RASGRF2: variants seen among roughly 807,000 people sequenced by gnomAD.
RASGRF2 encodes ras-specific guanine nucleotide-releasing factor 2.
RASGRF2 carries 76 observed loss-of-function variants against 151.0 expected under a neutral mutation model. The observed-to-expected ratio is 0.50, with a 90% CI of 0.42 to 0.61. RASGRF2 has a LOEUF of 0.61. Among genes scored for constraint, RASGRF2 ranks in the 20% least tolerant of loss-of-function variants. The pLI, the probability that RASGRF2 is intolerant of heterozygous loss-of-function variation, is 0.00. For synonymous variants in RASGRF2, 504 were observed against 566.5 expected (o/e 0.89, Z 1.57); for missense variants, 1,148 against 1,564.6 (o/e 0.73, Z 4.49).
intron 3 of RASGRF2, 113 bp from the exon 4 acceptor site, chr5:81,070,379 G>A: frequency 1.3e-6 from 1 of 791,796 alleles, no homozygotes. Flanking sequence ...TGCATAAAAA[G>A]TGGGTGTTTC....
At chr5:81,171,018 C>T (rs1042295550) in intron 17 of RASGRF2, among the ~76,000 whole-genome samples, 5 of 152,044 alleles carry the variant, frequency 3.3e-5, no homozygotes, top group African/African-American at 1.2e-4. Context: ...ACATTAAAAC[C>T]TTTTTGTATA....
chr5:81,207,673 C>G (rs1461721591), intron 21 of RASGRF2, among the ~76,000 whole-genome samples: 2 of 152,250 alleles, frequency 1.3e-5, no homozygotes, highest in Non-Finnish European at 2.9e-5. Context: ...CTTGCTGTGT[C>G]TGGTGACCTG....
At chr5:81,053,811 C>T (rs373978266) in intron 2 of RASGRF2, among the ~76,000 whole-genome samples, 4,034 of 151,716 alleles carry the variant, frequency 0.027, 179 homozygotes, top group African/African-American at 0.09. Flanking sequence ...TTTTAATGAT[C>T]ACCATTCTAA....
intron 16 of RASGRF2, among the ~76,000 whole-genome samples, chr5:81,125,510 C>G (rs1048996563): frequency 6.6e-5 from 10 of 152,180 alleles, no homozygotes; most frequent in African/African-American, 1.9e-4. Context: ...CCAGATCTCT[C>G]TATTCTTCTT....
At chr5:81,160,524 TAGCC>T (rs1027553063) in intron 17 of RASGRF2, among the ~76,000 whole-genome samples, 6 of 151,542 alleles carry the variant, frequency 4.0e-5, no homozygotes, top group African/African-American at 9.7e-5. Context: ...ACAAAAAAAT[TAGCC>T]AGGCGTGGTG....
At chr5:81,022,724 C>T (rs1157625100) in intron 1 of RASGRF2, among the ~76,000 whole-genome samples, 1 of 152,186 alleles carries the variant, frequency 6.6e-6, no homozygotes, top group Non-Finnish European at 1.5e-5. Context: ...ATGCCGTCCT[C>T]CTCCCTGGGA....
At chr5:81,225,513 C>CTT (rs11341888) in intron 26 of RASGRF2, among the ~76,000 whole-genome samples, 165 bp from the exon 27 acceptor site, 2 of 141,428 alleles carry the variant, frequency 1.4e-5, no homozygotes. Flanking sequence ...AGATGTTCAC[C>CTT]TTTTTTTTTT....
chr5:80,994,006 C>A (rs1748738247), intron 1 of RASGRF2, among the ~76,000 whole-genome samples: 1 of 151,988 alleles, frequency 6.6e-6, no homozygotes, highest in Non-Finnish European at 1.5e-5. Context: ...TGCTTTGAGT[C>A]TTTCCTCAAG....
chr5:81,218,502 G>A (rs899870240), intron 25 of RASGRF2, among the ~76,000 whole-genome samples: 1 of 152,076 alleles, frequency 6.6e-6, no homozygotes, highest in Admixed American at 6.5e-5. Flanking sequence ...AAGATTAGTT[G>A]GCTGTAAGTA....
At chr5:81,115,586 G>A (rs116425078) in intron 15 of RASGRF2, among the ~76,000 whole-genome samples, 3 of 152,076 alleles carry the variant, frequency 2.0e-5, no homozygotes, top group South Asian at 2.1e-4. Flanking sequence ...GAGATAAGTC[G>A]GGATTCTCTC....
At chr5:81,082,184 G>A (rs373974279) in intron 7 of RASGRF2, among the ~76,000 whole-genome samples, 10 of 152,166 alleles carry the variant, frequency 6.6e-5, no homozygotes, top group Admixed American at 1.3e-4. Flanking sequence ...ACAGCCCCCT[G>A]ATGTCTTTCT....
chr5:81,025,238 A>G (rs1305195808), intron 1 of RASGRF2, among the ~76,000 whole-genome samples: 1 of 152,172 alleles, frequency 6.6e-6, no homozygotes, highest in African/African-American at 2.4e-5. Context: ...AGGTGTGGCC[A>G]ACTTCTGGCC....
At chr5:81,003,440 G>A (rs193125508) in intron 1 of RASGRF2, among the ~76,000 whole-genome samples, 12 of 152,212 alleles carry the variant, frequency 7.9e-5, no homozygotes, top group African/African-American at 1.2e-4. Context: ...AGCCAGGATG[G>A]TCTCGATCTA....
chr5:80,986,659 G>T (rs1748481378), intron 1 of RASGRF2, among the ~76,000 whole-genome samples: 1 of 152,196 alleles, frequency 6.6e-6, no homozygotes, highest in South Asian at 2.1e-4. Flanking sequence ...TGGAGTTTAA[G>T]CTACGTGTTG....
chr5:81,208,271 A>T, intron 21 of RASGRF2, 83 bp from the exon 22 acceptor site: 3 of 1,178,650 alleles, frequency 2.5e-6, no homozygotes, highest in Admixed American at 4.1e-5. Flanking sequence ...GAATTTTTCT[A>T]ATATTCGTGA....
chr5:81,055,056 G>T (rs74558013), intron 2 of RASGRF2, among the ~76,000 whole-genome samples: 1 of 152,098 alleles, frequency 6.6e-6, no homozygotes, highest in Non-Finnish European at 1.5e-5. Flanking sequence ...TAAATATACA[G>T]TCATATCATC....
At chr5:81,206,756 C>T (rs1755516940) in intron 19 of RASGRF2, 89 bp from the exon 20 acceptor site, 3 of 1,099,808 alleles carry the variant, frequency 2.7e-6, no homozygotes, top group Middle Eastern at 2.0e-4. Flanking sequence ...TCAGACCTCC[C>T]ATCCAGGGAA....
At chr5:81,106,399 C>G (rs147228610) in intron 12 of RASGRF2, among the ~76,000 whole-genome samples, 1 of 152,114 alleles carries the variant, frequency 6.6e-6, no homozygotes, top group Non-Finnish European at 1.5e-5. Flanking sequence ...CCCCTCGTTT[C>G]CATTGAACGA....
At chr5:81,087,660 A>C in intron 9 of RASGRF2, 1 of 416,996 alleles carries the variant, frequency 2.4e-6, no homozygotes, top group Non-Finnish European at 4.3e-6. Flanking sequence ...CGTAAACCAC[A>C]TCCCAAGTTA....
Sources: gnomAD v4.1 joint callset for allele counts (sites outside exome capture counted in the v4.1 genomes callset) on GRCh38, gnomAD v4.1.1 for gene constraint, MANE v1.5 for transcripts, NCBI Gene and HGNC (gene_info 2026-07-23, HGNC 2026-07-21) for gene names.